The following TTC32 variants were observed in gnomAD, a reference collection of about 807,000 sequenced individuals.
TTC32 encodes tetratricopeptide repeat protein 32.
Under a neutral mutation model 15.3 loss-of-function variants are expected in TTC32, and 16 were observed. The ratio of observed to expected loss-of-function variants is 1.05; its 90% CI spans 0.71 to 1.59. The LOEUF is 1.59. Among genes scored for constraint, TTC32 ranks in the 40% most tolerant of loss-of-function variants. TTC32 has a pLI of 0.00. For missense variants in TTC32, 188 were observed against 181.9 expected, an observed-to-expected ratio of 1.03 and a Z score of -0.19; for synonymous variants, 89 against 67.8, an observed-to-expected ratio of 1.31 and a Z score of -1.53.
rs979040129 is a variant in TTC32, at chr2:19,896,916, A to T, written c.*71T>A. ...CTTAAATATAAATCAAAATAGCTCA[A>T]TATCTAAATTACTGATAACTAGATG... On this transcript the variant is annotated 3_prime_UTR_variant, in exon 3 of 3. Coordinates refer to ENST00000333610, the MANE Select transcript of TTC32 (RefSeq NM_001008237.3). 2.2e-6 allele frequency: 3 copies of T among 1,338,630 alleles called. No homozygotes were observed. The African/African-American group carries it at 4.5e-5, about 20-fold the overall frequency. The allele number at this position is 1,338,630 out of a possible 1,614,324, so 82.9% of individuals were successfully genotyped here. A position where few individuals can be genotyped will look rare whatever the true frequency, so the allele number is the denominator to read the frequency against.
intron 1 of TTC32, among the ~76,000 whole-genome samples, chr2:19,899,583 T>G (rs1430122582): frequency 6.6e-6 from 1 of 151,682 alleles, no homozygotes; most frequent in Non-Finnish European, 1.5e-5. Context: ...TTAAAATTTT[T>G]GTAATGATAG....
intron 1 of TTC32, 93 bp from the exon 2 acceptor site, chr2:19,898,128 G>T: frequency 1.7e-6 from 2 of 1,145,750 alleles, no homozygotes; most frequent in Non-Finnish European, 2.4e-6. Context: ...AAACTTCACA[G>T]CCTATAACAT....
At chr2:19,899,988 G>C (rs1669575077) in intron 1 of TTC32, among the ~76,000 whole-genome samples, 2 of 152,174 alleles carry the variant, frequency 1.3e-5, no homozygotes, top group Non-Finnish European at 1.5e-5. Context: ...TTATTTTACA[G>C]ATGAAAAACT....
At chr2:19,899,750 C>T (rs1041384546) in intron 1 of TTC32, among the ~76,000 whole-genome samples, 1 of 150,928 alleles carries the variant, frequency 6.6e-6, no homozygotes, top group African/African-American at 2.4e-5. Context: ...TACACACACA[C>T]TTTGGAAATT....
intron 1 of TTC32, chr2:19,898,563 G>T (rs1669547746): frequency 6.6e-6 from 1 of 152,278 alleles, no homozygotes; most frequent in Non-Finnish European, 1.5e-5. Context: ...TCCCCAGGAA[G>T]TTATCTCTGG....
rs371280380 is a variant in TTC32 at position 19,901,769 on chromosome 2, G to C, written c.86C>G (p.Ala29Gly). 1.9e-6 allele frequency: 3 copies of C among 1,614,088 alleles called. No homozygotes were observed. In the African/African-American group the frequency reaches 4.0e-5, roughly 22 times the overall value. ...CCGGCGAATGTAAGCGGAGTACAGT[G>C]CCTCGGCCTCCGCGTACTCTCCATT... ...FNNGEYAEAE[A>G]LYSAYIRRCA... Residue 29 changes from alanine (A) to glycine (G), a missense_variant, in exon 1 of 3, where the codon GCA becomes GGA. Ala to Gly is a moderately conservative substitution (Grantham distance 60, BLOSUM62 0). Transcript: ENST00000333610.
At chr2:19,898,109 G>A in intron 1 of TTC32, 74 bp from the exon 2 acceptor site, 2 of 1,380,852 alleles carry the variant, frequency 1.4e-6, no homozygotes, top group Non-Finnish European at 1.9e-6. Context: ...TTCTCTTTTG[G>A]GTATTGTCAA....
chr2:19,897,096 T>G lies in TTC32; in HGVS notation c.347A>C (p.Lys116Thr), dbSNP rs1048328140. 3 of 1,603,468 alleles carry G rather than the reference T, an allele frequency of 1.9e-6. No individual in the cohort carries two copies. The highest frequency in any genetic ancestry group is 2.6e-6 in the Non-Finnish European group (3 of 1,176,390). The change falls in exon 3 of 3, where the codon AAG becomes ACG. Residue 116 changes from lysine to threonine, a missense_variant. Coordinates refer to ENST00000333610, the MANE Select transcript of TTC32 (RefSeq NM_001008237.3). ...TCCAGGATTTAAGTCTAAGACCTTC[T>G]TGAAATCTTCCAAAGCATCATCAAA... is the stretch of plus-strand genomic sequence containing the variant. ...GYFDDALEDF[K>T]KVLDLNPGFQ...
intron 1 of TTC32, among the ~76,000 whole-genome samples, chr2:19,899,441 TAGAG>T (rs1255731492): frequency 2.0e-5 from 3 of 151,436 alleles, no homozygotes; most frequent in East Asian, 2.0e-4. Context: ...ATTCGTAATA[TAGAG>T]AATCATAAAA....
In TTC32 at chr2:19,901,910, AG is replaced by A; in HGVS notation, c.-57del. On this transcript the variant is annotated 5_prime_UTR_variant, in exon 1 of 3. Transcript: ENST00000333610. ...TGGGGGTTGACCTCCGAGCGGTTAG[AG>A]GTGGCACCACAAAGCCACTTCCACA... 1 of 1,601,918 alleles carries A rather than the reference AG, an allele frequency of 6.2e-7. No individual in the cohort carries two copies. The highest frequency in any genetic ancestry group is 1.7e-5 in the Admixed American group (1 of 59,364).
intron 1 of TTC32, 122 bp downstream of exon 1, chr2:19,901,584 G>C (rs150586650): frequency 7.4e-7 from 1 of 1,345,864 alleles, no homozygotes; most frequent in East Asian, 2.3e-5. Context: ...CGCCCGCTCA[G>C]TCCTAGTGCT....
At chr2:19,899,516 T>G (rs907988080) in intron 1 of TTC32, among the ~76,000 whole-genome samples, 3 of 151,976 alleles carry the variant, frequency 2.0e-5, no homozygotes, top group African/African-American at 7.2e-5. Context: ...ATGTGGAAAT[T>G]TTGTTTCATA....
chr2:19,899,266 T>G (rs2103367137), intron 1 of TTC32, among the ~76,000 whole-genome samples: 1 of 152,286 alleles, frequency 6.6e-6, no homozygotes. Context: ...AAACCTAGAT[T>G]ACAAGACGGT....
intron 1 of TTC32, chr2:19,901,073 T>A (rs781422246): frequency 2.1e-6 from 1 of 471,368 alleles, no homozygotes; most frequent in South Asian, 1.5e-5. Context: ...CGACTTGATA[T>A]TAAGTAACTA....
rs1239254091 is a variant in TTC32, at chr2:19,901,840, C to T, written c.15G>A (p.Arg5=). 4.3e-6 allele frequency: 7 copies of T among 1,614,032 alleles called. No homozygotes were observed. The highest frequency in any genetic ancestry group is 1.6e-4 in the Middle Eastern group (1 of 6,084). The change falls in exon 1 of 3, where the codon CGG becomes CGA. Residue 5 remains arginine, a synonymous_variant. Coordinates refer to ENST00000333610, the MANE Select transcript of TTC32 (RefSeq NM_001008237.3). MEGQ[R]QESHATLTLA... is the part of the protein sequence containing the mutation. Reference sequence around the variant, plus strand: ...GTGTTAGGGTTGCGTGGCTTTCTTGCCGCTGTCCTTCCATAGCAGCCAAGG... The same window carrying T: ...GTGTTAGGGTTGCGTGGCTTTCTTGTCGCTGTCCTTCCATAGCAGCCAAGG...
intron 1 of TTC32, among the ~76,000 whole-genome samples, chr2:19,899,589 GAT>G (rs1470649257): frequency 6.6e-6 from 1 of 151,336 alleles, no homozygotes; most frequent in African/African-American, 2.4e-5. Context: ...TTTTTGTAAT[GAT>G]AGTATTTATT....
At chr2:19,898,065 C>A (rs749854861) in intron 1 of TTC32, 30 bp from the exon 2 acceptor site, 1 of 1,463,104 alleles carries the variant, frequency 6.8e-7, no homozygotes, top group Non-Finnish European at 9.2e-7. Context: ...ATTAAAAACA[C>A]CGTGTTACCA....
chr2:19,898,131 T>C, intron 1 of TTC32, 96 bp from the exon 2 acceptor site: 1 of 1,124,642 alleles, frequency 8.9e-7, no homozygotes, highest in Non-Finnish European at 1.2e-6. Context: ...CTTCACAGCC[T>C]ATAACATGCA....
rs1669519242 is a variant in TTC32 at position 19,896,929 on chromosome 2, T to G, written c.*58A>C. The G allele has an allele frequency of 7.1e-7, 1 of 1,417,788 alleles. No individual in the cohort carries two copies. The highest frequency in any genetic ancestry group is 1.5e-5 in the African/African-American group (1 of 68,118). The allele number at this position is 1,417,788 out of a possible 1,614,324, so 87.8% of individuals were successfully genotyped here. A position where few individuals can be genotyped will look rare whatever the true frequency, so the allele number is the denominator to read the frequency against. On this transcript the variant is annotated 3_prime_UTR_variant, in exon 3 of 3. Transcript: ENST00000333610. ...CAAAATAGCTCAATATCTAAATTAC[T>G]GATAACTAGATGCAGATGTAAGGAT...
Sources: allele counts gnomAD v4.1 joint callset (sites outside exome capture counted in the v4.1 genomes callset), GRCh38; gene constraint gnomAD v4.1.1; transcripts MANE v1.5; gene names NCBI Gene and HGNC (gene_info 2026-07-23, HGNC 2026-07-21).